ST8SIA4: variants seen among roughly 807,000 people sequenced by gnomAD.
ST8SIA4 encodes the protein CMP-N-acetylneuraminate-poly-alpha-2,8-sialyltransferase.
A neutral mutation model predicts 33.9 loss-of-function variants in ST8SIA4; 15 were observed. The observed-to-expected ratio is 0.44, with a 90% CI of 0.30 to 0.68. The LOEUF is 0.68. ST8SIA4 is among the 30% of genes least tolerant of loss of function. The pLI is 0.10. For synonymous variants in ST8SIA4, 171 were observed against 151.2 expected (o/e 1.13, Z -0.96); for missense variants, 321 against 428.0 (o/e 0.75, Z 2.21).
intron 3 of ST8SIA4, among the ~76,000 whole-genome samples, chr5:100,858,661 A>T (rs897570327): frequency 1.3e-5 from 2 of 152,110 alleles, no homozygotes; most frequent in African/African-American, 2.4e-5. Context: ...TCCACTTTGA[A>T]AGCAAAAAGA....
chr5:100,853,501 T>G (rs1037813675), intron 4 of ST8SIA4, among the ~76,000 whole-genome samples: 1 of 152,184 alleles, frequency 6.6e-6, no homozygotes, highest in African/African-American at 2.4e-5. Context: ...AAAATCAGTT[T>G]AGAAAATATG....
chr5:100,889,544 C>T (rs992547427), intron 2 of ST8SIA4, among the ~76,000 whole-genome samples: 1 of 151,928 alleles, frequency 6.6e-6, no homozygotes, highest in Non-Finnish European at 1.5e-5. Context: ...ACATGCTAGT[C>T]AACTAACGTC....
chr5:100,840,368 A>G (rs1751447736), intron 4 of ST8SIA4, among the ~76,000 whole-genome samples: 1 of 151,822 alleles, frequency 6.6e-6, no homozygotes, highest in South Asian at 2.1e-4. Context: ...ACATATGCAC[A>G]TGGCAATTTT....
intron 4 of ST8SIA4, among the ~76,000 whole-genome samples, chr5:100,823,176 A>C (rs1297324764): frequency 6.6e-6 from 1 of 151,746 alleles, no homozygotes; most frequent in Non-Finnish European, 1.5e-5. Flanking sequence ...AACCCCACCA[A>C]AACCAAGACG....
intron 3 of ST8SIA4, 43 bp downstream of exon 3, chr5:100,886,300 T>C (rs1414991017): frequency 3.8e-6 from 6 of 1,585,288 alleles, no homozygotes; most frequent in Non-Finnish European, 3.4e-6. Context: ...AAGTAAAATA[T>C]CTTTGAAAAA....
Position 100,882,550 on chromosome 5 carries a change from G to A in ST8SIA4, c.503+3793C>T, listed in dbSNP as rs192915787. Among the ~76,000 whole-genome samples, 395 of 152,332 alleles carry A rather than the reference G, an allele frequency of 2.6e-3. 1 individual carries two copies. The highest frequency in any genetic ancestry group is 4.6e-3 in the Non-Finnish European group (316 of 68,024). ...TGCAGAATTTTTCATAAGTAACAAGGAGCAGAATGTTAATCCCTAAGACAA... is the reference window on the plus strand; with the variant it reads ...TGCAGAATTTTTCATAAGTAACAAGAAGCAGAATGTTAATCCCTAAGACAA... On this transcript the variant is annotated intron_variant, in intron 3 of 4. Transcript: ENST00000231461.
At chr5:100,833,393 G>T (rs1559058) in intron 4 of ST8SIA4, among the ~76,000 whole-genome samples, 42,506 of 151,880 alleles carry the variant, frequency 0.28, 6,212 homozygotes, top group Non-Finnish European at 0.32. Context: ...GCTGCAAAAT[G>T]AATACCTAGC....
chr5:100,885,217 TAG>T (rs1561405705), intron 3 of ST8SIA4: 1 of 297,266 alleles, frequency 3.4e-6, no homozygotes, highest in Non-Finnish European at 5.0e-6. Context: ...GTTTCTCTTA[TAG>T]TCTAATTAGT....
At chr5:100,841,785 G>A (rs192088310) in intron 4 of ST8SIA4, among the ~76,000 whole-genome samples, 56 of 151,964 alleles carry the variant, frequency 3.7e-4, no homozygotes, top group Admixed American at 1.6e-3. Context: ...CTTTAATACT[G>A]TTTGGAATCT....
intron 3 of ST8SIA4, chr5:100,885,911 T>A: frequency 1.2e-6 from 1 of 824,924 alleles, no homozygotes; most frequent in Non-Finnish European, 1.5e-6. Flanking sequence ...GTTCTTACTA[T>A]CTCCTAGATA....
At chr5:100,859,275 C>T (rs930592384) in intron 3 of ST8SIA4, among the ~76,000 whole-genome samples, 42 of 151,924 alleles carry the variant, frequency 2.8e-4, no homozygotes, top group Non-Finnish European at 5.9e-5. Flanking sequence ...TCAAAATTAG[C>T]CAGAATGTGT....
chr5:100,840,340 A>G (rs941069693), intron 4 of ST8SIA4, among the ~76,000 whole-genome samples: 3 of 151,816 alleles, frequency 2.0e-5, no homozygotes, highest in African/African-American at 7.2e-5. Context: ...ATTTATATAT[A>G]TGTGTGTGTA....
intron 4 of ST8SIA4, among the ~76,000 whole-genome samples, chr5:100,841,872 T>C (rs1751478167): frequency 1.3e-5 from 2 of 151,988 alleles, no homozygotes; most frequent in Admixed American, 6.6e-5. Context: ...CCAAATCCCT[T>C]GATCTAGCAT....
intron 3 of ST8SIA4, 56 bp downstream of exon 3, chr5:100,886,287 C>T: frequency 6.3e-7 from 1 of 1,575,530 alleles, no homozygotes; most frequent in Non-Finnish European, 8.6e-7. Context: ...GTTTTCCACC[C>T]CCAAGTAAAA....
intron 4 of ST8SIA4, among the ~76,000 whole-genome samples, chr5:100,855,889 G>A (rs1049531926): frequency 6.6e-6 from 1 of 152,086 alleles, no homozygotes; most frequent in African/African-American, 2.4e-5. Flanking sequence ...ATAAGTGCCA[G>A]GTTCAACAAT....
intron 2 of ST8SIA4, among the ~76,000 whole-genome samples, chr5:100,895,087 A>G (rs1198201330): frequency 1.3e-5 from 2 of 152,102 alleles, no homozygotes; most frequent in East Asian, 1.9e-4. Flanking sequence ...GTAGGCATGG[A>G]GTATGAGTTC....
chr5:100,859,401 A>C (rs1751885462), intron 3 of ST8SIA4, among the ~76,000 whole-genome samples: 1 of 152,132 alleles, frequency 6.6e-6, no homozygotes, highest in Admixed American at 6.6e-5. Flanking sequence ...GAGTGCATAT[A>C]AACATTTAAT....
chr5:100,876,768 T>G (rs1403599476), intron 3 of ST8SIA4, among the ~76,000 whole-genome samples: 2 of 152,068 alleles, frequency 1.3e-5, no homozygotes, highest in African/African-American at 2.4e-5. Context: ...TAGGGATATA[T>G]GTACATGAGA....
chr5:100,836,132 G>A (rs1357642692), intron 4 of ST8SIA4, among the ~76,000 whole-genome samples: 1 of 152,100 alleles, frequency 6.6e-6, no homozygotes, highest in East Asian at 1.9e-4. Context: ...CTATTTTTCA[G>A]TGATGTATTA....
Sources: allele counts gnomAD v4.1 joint callset (sites outside exome capture counted in the v4.1 genomes callset), GRCh38; gene constraint gnomAD v4.1.1; transcripts MANE v1.5; gene names NCBI Gene and HGNC (gene_info 2026-07-23, HGNC 2026-07-21).